The following LSM1 variants were observed in gnomAD, a reference collection of about 807,000 sequenced individuals.
The protein encoded by LSM1 is LSM1 homolog, mRNA degradation associated, also known as U6 snRNA-associated Sm-like protein LSm1.
Under a neutral mutation model 18.0 loss-of-function variants are expected in LSM1, and 13 were observed. That is an observed-to-expected ratio of 0.72 (90% CI 0.47 to 1.15). LSM1 has a LOEUF of 1.15. Ranked by LOEUF, LSM1 falls within the 50% of genes most tolerant of loss-of-function variation. The pLI is 0.00. For synonymous variants in LSM1, 46 were observed against 56.0 expected, an observed-to-expected ratio of 0.82 and a Z score of 0.80; for missense variants, 152 against 157.7, an observed-to-expected ratio of 0.96 and a Z score of 0.19.
chr8:38,175,404 G>A (rs1803114077), intron 1 of LSM1, among the ~76,000 whole-genome samples: 1 of 152,144 alleles, frequency 6.6e-6, no homozygotes, highest in South Asian at 2.1e-4. Flanking sequence ...TCTAAATTGC[G>A]TATTCACAGA....
chr8:38,174,362 C>G (rs1803081181), intron 1 of LSM1, among the ~76,000 whole-genome samples: 1 of 151,862 alleles, frequency 6.6e-6, no homozygotes. Context: ...AACAGACAGA[C>G]AAAAAGGGAG....
At chr8:38,164,792 T>C (rs1269754025) in intron 3 of LSM1, among the ~76,000 whole-genome samples, 1 of 152,066 alleles carries the variant, frequency 6.6e-6, no homozygotes, top group Non-Finnish European at 1.5e-5. Context: ...GCCATGAATG[T>C]GTCACTGCAC....
intron 3 of LSM1, among the ~76,000 whole-genome samples, chr8:38,165,791 G>A (rs1343222586): frequency 6.6e-6 from 1 of 151,908 alleles, no homozygotes; most frequent in Non-Finnish European, 1.5e-5. Context: ...TGAGGGGGGA[G>A]GATCACTTGA....
In LSM1 at chr8:38,163,362, C is replaced by T. The variant is rs182372064; in HGVS notation, c.*308G>A. 4.4e-6 allele frequency: 1 copy of T among 225,106 alleles called. No individual in the cohort carries two copies. Among genetic ancestry groups the T allele is most frequent in the African/African-American group, 2.3e-5 (1 of 43,882 alleles). The allele number at this position is 225,106 out of a possible 1,614,324, so 13.9% of individuals were successfully genotyped here. On this transcript the variant is annotated 3_prime_UTR_variant, in exon 4 of 4. Transcript: ENST00000311351. ...ACTTTTGAGATTCATATTTTATTTA[C>T]AAGTAAATGAAGACTGTCCCTGTAA...
chr8:38,176,633 T>TCC (rs1803153468), upstream of LSM1: 1 of 570,908 alleles, frequency 1.8e-6, no homozygotes, highest in Admixed American at 3.4e-5. Flanking sequence ...AAACGTATAC[T>TCC]CCCTCTTAAG....
intron 3 of LSM1, among the ~76,000 whole-genome samples, chr8:38,165,707 A>G (rs1395532132): frequency 1.3e-5 from 2 of 151,306 alleles, no homozygotes; most frequent in African/African-American, 4.9e-5. Context: ...AAAAGGAAAA[A>G]AAAAAAAAAG....
intron 2 of LSM1, among the ~76,000 whole-genome samples, chr8:38,170,425 G>T (rs1374334832): frequency 6.6e-6 from 1 of 152,118 alleles, no homozygotes; most frequent in African/African-American, 2.4e-5. Flanking sequence ...GGAGATGTCT[G>T]GGATTATGTT....
Position 38,168,648 on chromosome 8 carries a change from G to A in LSM1, c.231+1154C>T, listed in dbSNP as rs1254951471. ...CAATTTCTGCTGCTTAAACATGCAA[G>A]AAATGATACACTGAACTAAAAGTAC... On this transcript the variant is annotated intron_variant, in intron 3 of 3. Coordinates refer to ENST00000311351, the MANE Select transcript of LSM1 (RefSeq NM_014462.3). Among the ~76,000 whole-genome samples the A allele has an allele frequency of 2.7e-5, 4 of 147,994 alleles. No homozygotes were observed. In the South Asian group the frequency reaches 8.5e-4, roughly 32 times the overall value.
chr8:38,176,109 C>T lies in LSM1; in HGVS notation c.46+166G>A, dbSNP rs528926788. 3.3e-5 allele frequency: 18 copies of T among 540,378 alleles called. 1 individual carries two copies. Among genetic ancestry groups the T allele is most frequent in the Non-Finnish European group, 5.9e-5 (18 of 305,218 alleles). The allele number at this position is 540,378 out of a possible 1,614,324, so 33.5% of individuals were successfully genotyped here. A position where few individuals can be genotyped will look rare whatever the true frequency, so the allele number is the denominator to read the frequency against. ...AGCAGCAGGCTACTGGGTGGGCAAG[C>T]GGTGTGTACCGCAGCTGTGGAGGAC... On this transcript the variant is annotated intron_variant, in intron 1 of 3. Transcript: ENST00000311351.
intron 1 of LSM1, among the ~76,000 whole-genome samples, chr8:38,173,851 G>C (rs931108135): frequency 1.3e-5 from 2 of 152,142 alleles, no homozygotes; most frequent in African/African-American, 2.4e-5. Context: ...AAAAACTAAA[G>C]TACAGGAGAT....
intron 3 of LSM1, among the ~76,000 whole-genome samples, chr8:38,164,995 G>A (rs1038309435): frequency 1.3e-5 from 2 of 152,000 alleles, no homozygotes; most frequent in Admixed American, 6.6e-5. Context: ...GGAGAACCTC[G>A]GCAGACCATT....
chr8:38,171,435 G>C (rs905765864), intron 2 of LSM1, among the ~76,000 whole-genome samples: 1 of 152,190 alleles, frequency 6.6e-6, no homozygotes, highest in South Asian at 2.1e-4. Flanking sequence ...AGCTCAGCTG[G>C]GTGGGTGGAT....
At chr8:38,175,400 T>C (rs1418424147) in intron 1 of LSM1, among the ~76,000 whole-genome samples, 1 of 152,196 alleles carries the variant, frequency 6.6e-6, no homozygotes, top group Non-Finnish European at 1.5e-5. Context: ...AGATTCTAAA[T>C]TGCGTATTCA....
intron 3 of LSM1, 138 bp downstream of exon 3, chr8:38,169,664 C>T: frequency 7.3e-6 from 4 of 550,276 alleles, no homozygotes; most frequent in Non-Finnish European, 1.3e-5. Flanking sequence ...CTGTAGCTTC[C>T]CTAAATTAAT....
intron 2 of LSM1, among the ~76,000 whole-genome samples, chr8:38,171,295 G>A (rs1226928450): frequency 6.6e-6 from 1 of 152,186 alleles, no homozygotes; most frequent in African/African-American, 2.4e-5. Context: ...CACTATGGGA[G>A]CTAAGACCAG....
rs565201993 is a variant in LSM1, at chr8:38,173,064, G to A, written c.47-1031C>T. ...TGGTTACAGAAGGAAGGGTGGCAAG[G>A]GAAAGCCTCTCTGAAGAGGTGACTT... On this transcript the variant is annotated intron_variant, in intron 1 of 3. Coordinates refer to ENST00000311351, the MANE Select transcript of LSM1 (RefSeq NM_014462.3). Among the ~76,000 whole-genome samples, 45 of 152,308 alleles carry A rather than the reference G, an allele frequency of 3.0e-4. 2 individuals carry two copies. The South Asian group carries it at 9.1e-3, about 31-fold the overall frequency.
Position 38,163,531 on chromosome 8 carries a change from C to A in LSM1, c.*139G>T. The A allele has an allele frequency of 1.5e-6, 1 of 681,306 alleles. No homozygotes were observed. The highest frequency in any genetic ancestry group is 2.4e-6 in the Non-Finnish European group (1 of 422,796). 42.2% of individuals were successfully genotyped at this position (681,306 alleles called of 1,614,324 possible). ...CCACCTACACGATTTCTTCATGTTG[C>A]ATATGTAAAATAATTAAAAATAAAA... On this transcript the variant is annotated 3_prime_UTR_variant, in exon 4 of 4. Coordinates refer to ENST00000311351, the MANE Select transcript of LSM1 (RefSeq NM_014462.3).
Position 38,169,931 on chromosome 8 carries a change from G to C in LSM1, c.116-14C>G. Reference sequence around the variant, plus strand: ...GCACTAAGTTTGCTGTAAGTGTATAGGGAAAAACCAAAGATATTTAGTTTA... The same window carrying C: ...GCACTAAGTTTGCTGTAAGTGTATACGGAAAAACCAAAGATATTTAGTTTA... On this transcript the variant is annotated splice_polypyrimidine_tract_variant and intron_variant, in intron 2 of 3. Transcript: ENST00000311351. 2 of 1,408,018 alleles carry C rather than the reference G, an allele frequency of 1.4e-6. No individual in the cohort carries two copies. The highest frequency in any genetic ancestry group is 2.3e-5 in the South Asian group (2 of 85,482). The allele number at this position is 1,408,018 out of a possible 1,614,324, so 87.2% of individuals were successfully genotyped here.
intron 1 of LSM1, among the ~76,000 whole-genome samples, chr8:38,172,644 T>TA (rs1389309339): frequency 6.6e-6 from 1 of 152,212 alleles, no homozygotes; most frequent in African/African-American, 2.4e-5. Flanking sequence ...GTTTGACACT[T>TA]AAACCATCTC....
Sources: gnomAD v4.1 joint callset for allele counts (sites outside exome capture counted in the v4.1 genomes callset) on GRCh38, gnomAD v4.1.1 for gene constraint, MANE v1.5 for transcripts, NCBI Gene and HGNC (gene_info 2026-07-23, HGNC 2026-07-21) for gene names.